LRRC31: variants seen among roughly 807,000 people sequenced by gnomAD.
LRRC31 encodes leucine-rich repeat-containing protein 31.
LRRC31 carries 35 observed loss-of-function variants against 46.7 expected under a neutral mutation model. The ratio of observed to expected loss-of-function variants is 0.75; its 90% confidence interval spans 0.57 to 0.99. The LOEUF is 0.99. Among genes scored for constraint, LRRC31 ranks in the 50% least tolerant of loss-of-function variants. LRRC31 has a pLI of 0.00. For synonymous variants in LRRC31, 236 were observed against 235.1 expected (o/e 1.00, Z -0.03); for missense variants, 613 against 626.1 (o/e 0.98, Z 0.22).
At chr3:169,852,402 CA>C (rs11344242) in intron 6 of LRRC31, among the ~76,000 whole-genome samples, 47,068 of 88,508 alleles carry the variant, frequency 0.53, 9,825 homozygotes, top group East Asian at 0.72. Flanking sequence ...GACTCCGTCT[CA>C]AAAAAAAAAA....
At chr3:169,858,257 C>T (rs758536419) in intron 3 of LRRC31, among the ~76,000 whole-genome samples, 19 of 152,080 alleles carry the variant, frequency 1.2e-4, no homozygotes, top group East Asian at 1.9e-4. Context: ...GGGAAAAGGG[C>T]GCAAACATCA....
intron 8 of LRRC31, among the ~76,000 whole-genome samples, chr3:169,847,695 C>T (rs1429496118): frequency 6.6e-6 from 1 of 152,112 alleles, no homozygotes; most frequent in Non-Finnish European, 1.5e-5. Flanking sequence ...AGAAGTGATA[C>T]CTGTATTTCA....
intron 1 of LRRC31, among the ~76,000 whole-genome samples, chr3:169,865,448 C>T (rs1289221879): frequency 7.1e-6 from 1 of 139,880 alleles, no homozygotes; most frequent in Non-Finnish European, 1.6e-5. Context: ...TGTGTTAGCT[C>T]TGAACAAAGC....
In LRRC31 at chr3:169,856,810, C is replaced by G; in HGVS notation, c.550G>C (p.Gly184Arg). 1 of 1,609,216 alleles carries G rather than the reference C, an allele frequency of 6.2e-7. No homozygotes were observed. The highest frequency in any genetic ancestry group is 8.5e-7 in the Non-Finnish European group (1 of 1,177,880). The change falls in exon 4 of 9, where the codon GGA (glycine) becomes CGA (arginine). Residue 184 changes from glycine to arginine, a missense_variant. By Grantham distance (125) the Gly-to-Arg change is moderately radical (BLOSUM62 -2). Coordinates refer to ENST00000316428, the MANE Select transcript of LRRC31 (RefSeq NM_024727.4). ...ELNLSWNSKV[G>R]GNLPLILQKF... Reference sequence around the variant, plus strand: ...TGAAGGATCAGAGGCAAATTTCCTCCCACTTTACTGTTCCAAGACAAATTT... The same window carrying G: ...TGAAGGATCAGAGGCAAATTTCCTCGCACTTTACTGTTCCAAGACAAATTT...
Position 169,861,567 on chromosome 3 carries a change from C to T in LRRC31, c.319+103G>A, listed in dbSNP as rs1781161226. On this transcript the variant is annotated intron_variant, in intron 2 of 8. Coordinates refer to ENST00000316428, the MANE Select transcript of LRRC31 (RefSeq NM_024727.4). ...GTTTCTGCAATTGTCTGGGACCACT[C>T]AGCAGACTTGGGGTTACTAGGTGGG... is the stretch of plus-strand genomic sequence containing the variant. The T allele has an allele frequency of 3.6e-5, 43 of 1,187,000 alleles. 1 individual carries two copies. In the South Asian group the frequency reaches 6.4e-4, roughly 18 times the overall value. 73.5% of individuals were successfully genotyped at this position (1,187,000 alleles called of 1,614,324 possible). A position where few individuals can be genotyped will look rare whatever the true frequency, so the allele number is the denominator to read the frequency against.
chr3:169,861,760 G>C lies in LRRC31; in HGVS notation c.229C>G (p.His77Asp). 6.2e-7 allele frequency: 1 copy of C among 1,614,098 alleles called. No homozygotes were observed. Among genetic ancestry groups the C allele is most frequent in the Non-Finnish European group, 8.5e-7 (1 of 1,179,972 alleles). The change falls in exon 2 of 9, where the codon CAT becomes GAT. Residue 77 changes from histidine to aspartate, a missense_variant. His to Asp is a moderately conservative substitution (Grantham distance 81, BLOSUM62 -1). Transcript: ENST00000316428. ...EWRSSMEKNEHFLQKLGKKAV... is the reference protein window; with the variant it reads ...EWRSSMEKNEDFLQKLGKKAV... ...TTTTTGCCCAGCTTCTGCAGGAAAT[G>C]CTCATTTTTCTCCATACTGGATCTC...
chr3:169,856,258 AC>A, intron 5 of LRRC31, 77 bp downstream of exon 5: 1 of 809,140 alleles, frequency 1.2e-6, no homozygotes, highest in Non-Finnish European at 1.6e-6. Flanking sequence ...TTTCCTAGTA[AC>A]TTTTCAATAT....
At chr3:169,851,886 A>G in intron 6 of LRRC31, 100 bp from the exon 7 acceptor site, 1 of 1,197,108 alleles carries the variant, frequency 8.4e-7, no homozygotes, top group Non-Finnish European at 1.2e-6. Flanking sequence ...CAGTCAATAC[A>G]GCTCTCCCCA....
intron 8 of LRRC31, among the ~76,000 whole-genome samples, chr3:169,844,027 C>T (rs535201366): frequency 6.6e-6 from 1 of 152,208 alleles, no homozygotes; most frequent in Admixed American, 6.5e-5. Context: ...TTCTGTGAAA[C>T]AGTTGAGCAA....
At chr3:169,851,368 G>A (rs371370151) in intron 7 of LRRC31, among the ~76,000 whole-genome samples, 5 of 152,196 alleles carry the variant, frequency 3.3e-5, no homozygotes, top group East Asian at 1.9e-4. Context: ...AGCCAAGGTC[G>A]CGCCACTGCA....
intron 1 of LRRC31, among the ~76,000 whole-genome samples, chr3:169,867,951 A>G (rs1216990665): frequency 6.6e-6 from 1 of 152,212 alleles, no homozygotes; most frequent in African/African-American, 2.4e-5. Flanking sequence ...CAAACAAGGA[A>G]CTCACTGAGT....
chr3:169,850,619 T>G (rs1347205880), intron 7 of LRRC31, among the ~76,000 whole-genome samples: 1 of 152,220 alleles, frequency 6.6e-6, no homozygotes, highest in Non-Finnish European at 1.5e-5. Flanking sequence ...TCTTATGACC[T>G]TGGGTTACCT....
rs2108193854 is a variant in LRRC31, at chr3:169,840,226, A to G, written c.1415T>C (p.Met472Thr). 1 of 1,614,126 alleles carries G rather than the reference A, an allele frequency of 6.2e-7. No individual in the cohort carries two copies. Among genetic ancestry groups the G allele is most frequent in the Non-Finnish European group, 8.5e-7 (1 of 1,180,020 alleles). Reference sequence around the variant, plus strand: ...GAGGAACCGCACGTTTTGGCAGAACATGGTCCACCCCGCATCACAGATGCT... The same window carrying G: ...GAGGAACCGCACGTTTTGGCAGAACGTGGTCCACCCCGCATCACAGATGCT... The part of the protein sequence containing the change: ...NDSICDAGWT[M>T]FCQNVRFLKE... The change falls in exon 9 of 9, where the codon ATG becomes ACG. Residue 472 changes from methionine (M) to threonine (T), a missense_variant. By Grantham distance (81) the Met-to-Thr change is moderately conservative (BLOSUM62 -1). Transcript: ENST00000316428.
In LRRC31 at chr3:169,867,552, C is replaced by T. The variant is rs570085755; in HGVS notation, c.175+2081G>A. On this transcript the variant is annotated intron_variant, in intron 1 of 8. Transcript: ENST00000316428. ...GATTACAGGCATGAGCCACCGCACC[C>T]GACCAAGACAGAGTCTTGCTATATT... is the stretch of plus-strand genomic sequence containing the variant. Among the ~76,000 whole-genome samples the T allele has an allele frequency of 3.2e-4, 48 of 151,966 alleles. No individual in the cohort carries two copies. The Middle Eastern group carries it at 0.017, about 55-fold the overall frequency.
intron 7 of LRRC31, among the ~76,000 whole-genome samples, chr3:169,851,415 C>A (rs1340480320): frequency 1.3e-5 from 2 of 151,654 alleles, no homozygotes; most frequent in African/African-American, 2.4e-5. Context: ...AAAATACAAA[C>A]AACAACAACA....
At chr3:169,869,459 A>G (rs1781425311) in intron 1 of LRRC31, among the ~76,000 whole-genome samples, 174 bp downstream of exon 1, 1 of 152,102 alleles carries the variant, frequency 6.6e-6, no homozygotes, top group African/African-American at 2.4e-5. Flanking sequence ...TGGATACCCC[A>G]TTCTCCACAA....
intron 1 of LRRC31, among the ~76,000 whole-genome samples, chr3:169,867,362 A>T (rs1296903880): frequency 6.8e-6 from 1 of 148,106 alleles, no homozygotes; most frequent in Non-Finnish European, 1.5e-5. Context: ...GATTCAAGCG[A>T]TTCTCCTGCC....
At chr3:169,867,935 G>A (rs948905269) in intron 1 of LRRC31, among the ~76,000 whole-genome samples, 1 of 152,136 alleles carries the variant, frequency 6.6e-6, no homozygotes, top group African/African-American at 2.4e-5. Flanking sequence ...GATACTCACC[G>A]AAGGACAAAC....
intron 8 of LRRC31, among the ~76,000 whole-genome samples, chr3:169,841,500 G>C (rs960090546): frequency 6.6e-6 from 1 of 152,172 alleles, no homozygotes; most frequent in Admixed American, 6.5e-5. Flanking sequence ...GTCTCTAGGT[G>C]TTCATGTCAG....
Sources: allele counts gnomAD v4.1 joint callset (sites outside exome capture counted in the v4.1 genomes callset), GRCh38; gene constraint gnomAD v4.1.1; transcripts MANE v1.5; gene names NCBI Gene and HGNC (gene_info 2026-07-23, HGNC 2026-07-21).